The following CALB1 variants were observed in gnomAD, a reference collection of about 807,000 sequenced individuals.
CALB1 encodes calbindin 1, also known as calbindin.
In CALB1, 16 loss-of-function variants were observed where a neutral mutation model predicts 46.7. The ratio of observed to expected loss-of-function variants is 0.34; its 90% CI spans 0.23 to 0.52. The LOEUF (loss-of-function observed/expected upper bound fraction) is 0.52. Ranked by LOEUF, CALB1 falls within the 20% of genes least tolerant of loss-of-function variation. The probability of loss-of-function intolerance (pLI) is 0.95; values close to 1 mark genes in which losing one functional copy is unlikely to be tolerated. For synonymous variants in CALB1, 90 were observed against 112.8 expected, an observed-to-expected ratio of 0.80 and a Z score of 1.28; for missense variants, 224 against 300.3, an observed-to-expected ratio of 0.75 and a Z score of 1.88.
chr8:90,066,884 A>C (rs1349631942), intron 5 of CALB1, among the ~76,000 whole-genome samples: 2 of 152,094 alleles, frequency 1.3e-5, no homozygotes. Context: ...CTGTGCCCAG[A>C]TATTATTGAA....
chr8:90,063,238 T>C (rs1026935015), intron 8 of CALB1, 43 bp downstream of exon 8: 1 of 1,554,666 alleles, frequency 6.4e-7, no homozygotes, highest in East Asian at 2.2e-5. Flanking sequence ...ACATTCTAGC[T>C]TTTCAAGGAA....
At chr8:90,074,399 C>T (rs1563681461) in intron 3 of CALB1, among the ~76,000 whole-genome samples, 2 of 152,138 alleles carry the variant, frequency 1.3e-5, no homozygotes, top group Admixed American at 1.3e-4. Context: ...GGCCTGCTCT[C>T]ACATAGATTG....
intron 1 of CALB1, 33 bp downstream of exon 1, chr8:90,082,586 G>C: frequency 6.4e-7 from 1 of 1,568,780 alleles, no homozygotes; most frequent in Non-Finnish European, 8.8e-7. Flanking sequence ...ATGGAAACGG[G>C]TCTTGAAACA....
At chr8:90,073,772 C>T (rs1240103729) in intron 3 of CALB1, among the ~76,000 whole-genome samples, 1 of 152,202 alleles carries the variant, frequency 6.6e-6, no homozygotes, top group Non-Finnish European at 1.5e-5. Context: ...CTGGTGACCA[C>T]AGTCACCACT....
At chr8:90,071,576 A>G (rs558280627) in intron 3 of CALB1, among the ~76,000 whole-genome samples, 1 of 152,284 alleles carries the variant, frequency 6.6e-6, no homozygotes, top group East Asian at 1.9e-4. Flanking sequence ...TTTAAAGAAG[A>G]TGGGAAGAGA....
At chr8:90,064,381 A>G (rs912395322) in intron 6 of CALB1, 1 of 151,758 alleles carries the variant, frequency 6.6e-6, no homozygotes, top group African/African-American at 2.4e-5. Context: ...CTACCAAGAT[A>G]CTGGACAGCT....
Position 90,082,027 on chromosome 8 carries a change from A to G in CALB1, c.155T>C (p.Leu52Ser). 1.9e-6 allele frequency: 3 copies of G among 1,613,182 alleles called. No individual in the cohort carries two copies. Among genetic ancestry groups the G allele is most frequent in the Non-Finnish European group, 2.5e-6 (3 of 1,179,338 alleles). ...ELQQARKKAGLELSPEMKTFV... is the reference protein window; with the variant it reads ...ELQQARKKAGSELSPEMKTFV... Reference sequence around the variant, plus strand: ...TCTTTTTCGCAAACTTGAACCTACCAATCCAGCCTTCTTTCGCGCCTGCTG... The same window carrying G: ...TCTTTTTCGCAAACTTGAACCTACCGATCCAGCCTTCTTTCGCGCCTGCTG... The change falls in exon 2 of 11, where the codon TTG (leucine) becomes TCG (serine). Residue 52 changes from leucine (L) to serine (S), a missense_variant and splice_region_variant. Transcript: ENST00000265431.
rs199709550 is a variant in CALB1, at chr8:90,060,118, C to T, written c.*55G>A. 626 of 980,536 alleles carry T rather than the reference C, an allele frequency of 6.4e-4. 4 individuals are homozygous for T. The African/African-American group carries it at 9.0e-3, about 14-fold the overall frequency. 60.7% of individuals were successfully genotyped at this position (980,536 alleles called of 1,614,324 possible). ...AAATACAGCCTACTCCCTTATAGTG[C>T]ACAGTTATTTTTTAGATACAGTGTA... is the stretch of plus-strand genomic sequence containing the variant. On this transcript the variant is annotated 3_prime_UTR_variant, in exon 11 of 11. Transcript: ENST00000265431.
At position 90,069,029 on chromosome 8, in the gene CALB1, T is replaced by G. The variant is rs1457420902; in HGVS notation, c.341A>C (p.His114Pro). ...MKTWRKYDTD[H>P]SGFIETEELK... ...CTCCTCAGTTTCTATGAAGCCACTGTGGTCAGTATCATATTTTCTCCATGT... is the reference window on the plus strand; with the variant it reads ...CTCCTCAGTTTCTATGAAGCCACTGGGGTCAGTATCATATTTTCTCCATGT... The change falls in exon 5 of 11, where the codon CAC becomes CCC. Residue 114 changes from histidine to proline, a missense_variant. His to Pro is a moderately conservative substitution (Grantham distance 77, BLOSUM62 -2). Coordinates refer to ENST00000265431, the MANE Select transcript of CALB1 (RefSeq NM_004929.4). 1 of 1,613,306 alleles carries G rather than the reference T, an allele frequency of 6.2e-7. No homozygotes were observed. Among genetic ancestry groups the G allele is most frequent in the Non-Finnish European group, 8.5e-7 (1 of 1,179,672 alleles).
At chr8:90,063,067 TA>T (rs766795192) in intron 9 of CALB1, 32 bp downstream of exon 9, 3 of 1,528,614 alleles carry the variant, frequency 2.0e-6, no homozygotes, top group Non-Finnish European at 1.8e-6. Context: ...CTTACTTCAA[TA>T]AAAAAGAAAG....
intron 5 of CALB1, among the ~76,000 whole-genome samples, chr8:90,068,399 T>G (rs911451098): frequency 6.6e-6 from 1 of 152,216 alleles, no homozygotes. Flanking sequence ...GATTTTTTAT[T>G]TTTTATCATC....
At chr8:90,062,874 A>G in intron 9 of CALB1, 1 of 428,770 alleles carries the variant, frequency 2.3e-6, no homozygotes, top group South Asian at 3.3e-5. Context: ...AGTCACACTC[A>G]TAAAGTAGAA....
At position 90,072,867 on chromosome 8, in the gene CALB1, T is replaced by C. The variant is rs1805913; in HGVS notation, c.232-3630A>G. Among the ~76,000 whole-genome samples, 1,018 of 152,292 alleles carry C rather than the reference T, an allele frequency of 6.7e-3. 7 individuals are homozygous for C. The highest frequency in any genetic ancestry group is 0.018 in the African/African-American group (753 of 41,552). On this transcript the variant is annotated intron_variant, in intron 3 of 10. Coordinates refer to ENST00000265431, the MANE Select transcript of CALB1 (RefSeq NM_004929.4). Reference sequence around the variant, plus strand: ...CTGCTCTTTTATGAACTCCCAAAACTTTTTTATGAGTTGGAAAAGAGAGTG... The same window carrying C: ...CTGCTCTTTTATGAACTCCCAAAACCTTTTTATGAGTTGGAAAAGAGAGTG...
chr8:90,064,591 C>G (rs1433503736), intron 6 of CALB1: 11 of 151,854 alleles, frequency 7.2e-5, no homozygotes, highest in African/African-American at 2.2e-4. Flanking sequence ...TGGAAAGGAG[C>G]CTTTCTTTAA....
chr8:90,073,771 A>G (rs953943409), intron 3 of CALB1, among the ~76,000 whole-genome samples: 1 of 152,194 alleles, frequency 6.6e-6, no homozygotes, highest in African/African-American at 2.4e-5. Flanking sequence ...GCTGGTGACC[A>G]CAGTCACCAC....
At chr8:90,076,168 G>C (rs903125777) in intron 3 of CALB1, among the ~76,000 whole-genome samples, 2 of 151,810 alleles carry the variant, frequency 1.3e-5, no homozygotes, top group African/African-American at 4.8e-5. Context: ...ATTATGTTTC[G>C]AGTGCTTTGC....
At chr8:90,066,658 G>GA (rs1814404466) in intron 5 of CALB1, among the ~76,000 whole-genome samples, 3 of 151,866 alleles carry the variant, frequency 2.0e-5, no homozygotes, top group Admixed American at 2.0e-4. Context: ...TGGGAAGGAT[G>GA]AAAAAAAGAT....
rs562047025 is a variant in CALB1, at chr8:90,082,194, C to A, written c.80-92G>T. On this transcript the variant is annotated intron_variant, in intron 1 of 10. Transcript: ENST00000265431. ...CAAGACAGTTATCTTTCTGGCGACC[C>A]GAGAGGCTCTCTCTTGCCTGGACGT... The A allele has an allele frequency of 9.8e-6, 11 of 1,123,022 alleles. No homozygotes were observed. In the South Asian group the frequency reaches 1.0e-4, roughly 10 times the overall value. The allele number at this position is 1,123,022 out of a possible 1,614,324, so 69.6% of individuals were successfully genotyped here.
chr8:90,060,483 C>T, intron 10 of CALB1, 146 bp downstream of exon 10: 1 of 765,264 alleles, frequency 1.3e-6, no homozygotes, highest in Middle Eastern at 2.4e-4. Context: ...CTGATTTAGG[C>T]CAGAACCAAA....
Sources: allele counts gnomAD v4.1 joint callset (sites outside exome capture counted in the v4.1 genomes callset), GRCh38; gene constraint gnomAD v4.1.1; transcripts MANE v1.5; gene names NCBI Gene and HGNC (gene_info 2026-07-23, HGNC 2026-07-21).